LAIR1: variants seen among roughly 807,000 people sequenced by gnomAD.
The protein encoded by LAIR1 is leukocyte-associated immunoglobulin-like receptor 1.
LAIR1 carries 24 observed loss-of-function variants against 32.8 expected under a neutral mutation model. The ratio of observed to expected loss-of-function variants is 0.73; its 90% CI spans 0.53 to 1.03. The LOEUF (loss-of-function observed/expected upper bound fraction) is 1.03, where lower values mean the gene tolerates loss of function less well. LAIR1 is among the 50% of genes least tolerant of loss of function. The pLI, the probability that LAIR1 is intolerant of heterozygous loss-of-function variation, is 0.00. For synonymous variants in LAIR1, 150 were observed against 140.5 expected, an observed-to-expected ratio of 1.07 and a Z score of -0.48; for missense variants, 355 against 347.5, an observed-to-expected ratio of 1.02 and a Z score of -0.17.
chr19:54,365,167 G>A (rs545627496), upstream of LAIR1: 30 of 700,404 alleles, frequency 4.3e-5, no homozygotes, highest in South Asian at 1.8e-4. Context: ...ACAAGTTAAC[G>A]GTCGCAGCTC....
At chr19:54,368,450 A>C (rs1390584159), upstream of LAIR1, 1 of 152,182 alleles carries the variant, frequency 6.6e-6, no homozygotes, top group African/African-American at 2.4e-5. Context: ...TCTATGCATT[A>C]GATTATCCTC....
At chr19:54,369,211 C>CT (rs1275656969), upstream of LAIR1, among the ~76,000 whole-genome samples, 1 of 151,282 alleles carries the variant, frequency 6.6e-6, no homozygotes, top group Non-Finnish European at 1.5e-5. Context: ...CACTAACGTT[C>CT]TTTGCCTGTG....
intron 4 of LAIR1, chr19:54,357,629 T>G (rs1329481592): frequency 6.5e-6 from 1 of 152,882 alleles, no homozygotes; most frequent in Non-Finnish European, 1.5e-5. Context: ...CCTCCAACCT[T>G]CACCCTCCTC....
chr19:54,362,878 G>A (rs1427727607), intron 2 of LAIR1, among the ~76,000 whole-genome samples: 1 of 152,102 alleles, frequency 6.6e-6, no homozygotes, highest in Non-Finnish European at 1.5e-5. Context: ...GTTTGAGAAA[G>A]CGAAAGAACC....
upstream of LAIR1, chr19:54,364,992 G>A (rs571045160): frequency 6.4e-5 from 94 of 1,459,452 alleles, no homozygotes; most frequent in African/African-American, 8.5e-5. This position sits in a 1 kb window ranked among gnomAD's most constrained non-coding sequence, Gnocchi z 4.8. Context: ...CTAGTGAGAC[G>A]AGAGGGAGGG....
upstream of LAIR1, among the ~76,000 whole-genome samples, chr19:54,367,292 A>AG (rs2082286025): frequency 6.6e-6 from 1 of 152,186 alleles, no homozygotes. Context: ...GTGGACAGAC[A>AG]GGGGAATTCA....
the LAIR1 span, among the ~76,000 whole-genome samples, chr19:54,375,809 A>G: frequency 1.3e-5 from 2 of 151,950 alleles, no homozygotes; most frequent in African/African-American, 4.9e-5. Flanking sequence ...AAGTCAACGG[A>G]CCTCACAGTC....
At position 54,360,919 on chromosome 19, in the gene LAIR1, T is replaced by C. The variant is rs2122490362; in HGVS notation, c.361A>G (p.Lys121Glu). The C allele has an allele frequency of 6.2e-7, 1 of 1,611,320 alleles. No individual in the cohort carries two copies. Among genetic ancestry groups the C allele is most frequent in the Non-Finnish European group, 8.5e-7 (1 of 1,178,000 alleles). Residue 121 changes from lysine to glutamate, a missense_variant, in exon 3 of 10, where the codon AAA becomes GAA. Transcript: ENST00000391742. ...EQSDYLELLV[K>E]ESSGGPDSPD... ...AGGGCCCAGGTGACGTCCTCACCTT[T>C]CACCAGCAGCTCCAGGTAGTCACTC... is the stretch of plus-strand genomic sequence containing the variant.
At chr19:54,357,559 G>C (rs116073049) in intron 4 of LAIR1, 2,666 of 154,010 alleles carry the variant, frequency 0.017, 88 homozygotes, top group African/African-American at 0.058. Context: ...GCTAGCGGGC[G>C]AGTGTGTGGG....
chr19:54,355,408 C>G lies in LAIR1; in HGVS notation c.724G>C (p.Ala242Pro). 1.9e-6 allele frequency: 3 copies of G among 1,604,112 alleles called. No individual in the cohort carries two copies. The highest frequency in any genetic ancestry group is 2.6e-6 in the Non-Finnish European group (3 of 1,174,974). Reference protein sequence around the residue: ...KDRETDTSALAAGSSQEVTYA... With the variant: ...KDRETDTSALPAGSSQEVTYA... ...GTCACCTCCTGGGAACTCCCTGCAG[C>G]CAGGGCCTAAGAGGGAGAGACCCAG... The change falls in exon 10 of 10, where the codon GCT (alanine) becomes CCT (proline). Residue 242 changes from alanine to proline, a missense_variant. Ala to Pro is a conservative substitution (Grantham distance 27, BLOSUM62 -1). Coordinates refer to ENST00000391742, the MANE Select transcript of LAIR1 (RefSeq NM_002287.6). The surrounding 1 kb of genome is among the most constrained non-coding windows in gnomAD (Gnocchi z 4.7).
intron 3 of LAIR1, 174 bp downstream of exon 3, chr19:54,360,742 G>A (rs3745444): frequency 0.52 from 322,829 of 618,816 alleles, 89,017 homozygotes; most frequent in Non-Finnish European, 0.58. Flanking sequence ...AACCTAAGCA[G>A]GTGTGAGGGC....
rs978302149 is a variant in LAIR1 at position 54,355,492 on chromosome 19, C to T, written c.718-78G>A. 13 of 1,345,954 alleles carry T rather than the reference C, an allele frequency of 9.7e-6. No homozygotes were observed. Among genetic ancestry groups the T allele is most frequent in the African/African-American group, 2.9e-5 (2 of 68,140 alleles). 83.4% of individuals were successfully genotyped at this position (1,345,954 alleles called of 1,614,324 possible). On this transcript the variant is annotated intron_variant, in intron 9 of 9. Transcript: ENST00000391742. The surrounding 1 kb of genome is among the most constrained non-coding windows in gnomAD (Gnocchi z 4.7). ...GGGCTGTGGGGAGGGAGGGCTGTGG[C>T]GGCCATCTCCATGGGCCCTGAGGAC...
At chr19:54,363,544 C>G (rs1053465671) in intron 2 of LAIR1, among the ~76,000 whole-genome samples, 2 of 152,326 alleles carry the variant, frequency 1.3e-5, no homozygotes, top group African/African-American at 4.8e-5. Flanking sequence ...CTGGCAAGAA[C>G]CTGAGTGCCC....
At chr19:54,366,664 A>G (rs2082265875), upstream of LAIR1, among the ~76,000 whole-genome samples, 1 of 151,858 alleles carries the variant, frequency 6.6e-6, no homozygotes, top group Non-Finnish European at 1.5e-5. Flanking sequence ...AATTTTTTGT[A>G]TTTTTAGCAG....
chr19:54,367,750 A>T (rs183532273), upstream of LAIR1, among the ~76,000 whole-genome samples: 1,020 of 148,340 alleles, frequency 6.9e-3, 7 homozygotes, highest in African/African-American at 0.02. Context: ...CATCTAAAAA[A>T]ATATATATTT....
Position 54,360,871 on chromosome 19 carries a change from G to C in LAIR1, c.364+45C>G, listed in dbSNP as rs113031843. 5 of 1,577,330 alleles carry C rather than the reference G, an allele frequency of 3.2e-6. No individual in the cohort carries two copies. In the Admixed American group the frequency reaches 5.1e-5, roughly 16 times the overall value. ...GGTCCAGGGACCTGGGGACAAGCTC[G>C]AGGGTCGAGCTGAGACTGGGGCAGG... On this transcript the variant is annotated intron_variant, in intron 3 of 9. Transcript: ENST00000391742.
In LAIR1 at chr19:54,360,778, AAGGGG is replaced by A. The variant is rs1199949052; in HGVS notation, c.364+133_364+137del. On this transcript the variant is annotated intron_variant, in intron 3 of 9. Coordinates refer to ENST00000391742, the MANE Select transcript of LAIR1 (RefSeq NM_002287.6). The stretch of plus-strand genomic sequence containing the variant: ...AGAGGGGAGGTGTGTGCAGAGGAAG[AAGGGG>A]AGGGGAGGGCTTGGGGTCAGGAGGA... 7.6e-6 allele frequency: 5 copies of A among 654,402 alleles called. 1 individual carries two copies. The Admixed American group carries it at 1.1e-4, about 15-fold the overall frequency. The allele number at this position is 654,402 out of a possible 1,614,324, so 40.5% of individuals were successfully genotyped here. A position where few individuals can be genotyped will look rare whatever the true frequency, so the allele number is the denominator to read the frequency against.
chr19:54,360,417 C>A (rs1475298226), intron 3 of LAIR1, among the ~76,000 whole-genome samples: 3 of 148,790 alleles, frequency 2.0e-5, no homozygotes, highest in Non-Finnish European at 4.5e-5. Flanking sequence ...CATGTGGTCA[C>A]ATACCAAAGG....
upstream of LAIR1, among the ~76,000 whole-genome samples, chr19:54,367,528 T>C (rs1410213725): frequency 1.3e-5 from 2 of 151,902 alleles, no homozygotes; most frequent in Non-Finnish European, 2.9e-5. Context: ...GGGCAGATCA[T>C]GAGGTCAGGA....
Sources: gnomAD v4.1 joint callset for allele counts (sites outside exome capture counted in the v4.1 genomes callset) on GRCh38, gnomAD v4.1.1 for gene constraint, Gnocchi (gnomAD v3.1) non-coding constraint, MANE v1.5 for transcripts, NCBI Gene and HGNC (gene_info 2026-07-23, HGNC 2026-07-21) for gene names.